The following TAB3 variants were observed in gnomAD, a reference collection of about 807,000 sequenced individuals.
The protein encoded by TAB3 is TGF-beta-activated kinase 1 and MAP3K7-binding protein 3.
Under a neutral mutation model 48.1 loss-of-function variants are expected in TAB3, and 18 were observed. The observed-to-expected ratio is 0.37, with a 90% CI of 0.26 to 0.55. TAB3 has a LOEUF of 0.55. Among genes scored for constraint, TAB3 ranks in the 20% least tolerant of loss-of-function variants. The pLI, the probability that TAB3 is intolerant of heterozygous loss-of-function variation, is 0.78. For synonymous variants in TAB3, 185 were observed against 190.2 expected, an observed-to-expected ratio of 0.97 and a Z score of 0.22; for missense variants, 414 against 549.8, an observed-to-expected ratio of 0.75 and a Z score of 2.47.
chrX:30,870,763 C>CCACTGA (rs919577439), intron 2 of TAB3, among the ~76,000 whole-genome samples: 1 of 112,034 alleles, frequency 8.9e-6, no homozygotes, highest in African/African-American at 3.3e-5. Flanking sequence ...AGGAAAGGTG[C>CCACTGA]CACTGACATC....
At position 30,852,803 on chromosome X, in the gene TAB3, ACT is replaced by A; in HGVS notation, c.1683_1684del (p.Arg561SerfsTer11). ...CGTAGGGATCGCAGTGGTGCAGCTGACTCTTCTGAGCCGTCTCTGCATCAGGT... is the reference window on the plus strand; with the variant it reads ...CGTAGGGATCGCAGTGGTGCAGCTGACTTCTGAGCCGTCTCTGCATCAGGT... On this transcript the variant is annotated frameshift_variant, in exon 7 of 11. Transcript: ENST00000288422. LOFTEE classifies it high-confidence loss of function. 1 of 1,210,100 alleles carries A rather than the reference ACT, an allele frequency of 8.3e-7. No individual in the cohort carries two copies. The highest frequency in any genetic ancestry group is 1.1e-6 in the Non-Finnish European group (1 of 894,951).
chrX:30,847,149 G>GAGAGGTTATATAA (rs1258528449), intron 7 of TAB3, among the ~76,000 whole-genome samples: 2 of 111,521 alleles, frequency 1.8e-5, no homozygotes, highest in Non-Finnish European at 3.8e-5. Context: ...CTGAGGCACA[G>GAGAGGTTATATAA]AGAGGTTATA....
In TAB3 at chrX:30,868,584, TATAGAGAGAGAGAGAGAG is replaced by T. The variant is rs1394081522; in HGVS notation, c.-279-1053_-279-1036del. Among the ~76,000 whole-genome samples, 8 of 10,691 alleles carry T rather than the reference TATAGAGAGAGAGAGAGAG, an allele frequency of 7.5e-4. 1 individual carries two copies. In the East Asian group the frequency reaches 0.022, roughly 29 times the overall value. 9.3% of individuals were successfully genotyped at this position (10,691 alleles called of 115,157 possible). ...TATATAGCTTATATATATATATATA[TATAGAGAGAGAGAGAGAG>T]AGAGAGAGAGAGAGAGCGCGTGGGG... On this transcript the variant is annotated intron_variant, in intron 2 of 10. Coordinates refer to ENST00000288422, the MANE Select transcript of TAB3 (RefSeq NM_152787.5).
intron 9 of TAB3, among the ~76,000 whole-genome samples, chrX:30,842,517 C>G (rs763036289): frequency 8.9e-6 from 1 of 112,100 alleles, no homozygotes; most frequent in East Asian, 2.8e-4. Context: ...TTACCTCTGA[C>G]AGTAATTCTA....
At chrX:30,868,517 T>TTATATATATATATATATAGCTTATATATA (rs1939540733) in intron 2 of TAB3, among the ~76,000 whole-genome samples, 1 of 2,804 alleles carries the variant, frequency 3.6e-4, no homozygotes. Flanking sequence ...TATATATAGC[T>TTATATATATATATATATAGCTTATATATA]TATATATATA....
intron 4 of TAB3, among the ~76,000 whole-genome samples, chrX:30,861,892 T>G (rs749542466): frequency 8.9e-6 from 1 of 112,694 alleles, no homozygotes; most frequent in Non-Finnish European, 1.9e-5. Flanking sequence ...TCAAATGATA[T>G]CTTTGAAATC....
chrX:30,853,123 G>A (rs750376302), intron 6 of TAB3, among the ~76,000 whole-genome samples, 185 bp from the exon 7 acceptor site: 1 of 112,093 alleles, frequency 8.9e-6, no homozygotes, highest in East Asian at 2.8e-4. Flanking sequence ...TGCAACCAAA[G>A]TGACATCACC....
At chrX:30,886,608 T>G (rs1461508126) in intron 1 of TAB3, among the ~76,000 whole-genome samples, 2 of 112,155 alleles carry the variant, frequency 1.8e-5, no homozygotes, top group Non-Finnish European at 3.8e-5. Context: ...CCCCAAACAA[T>G]GTACTTCTTA....
At chrX:30,839,263 C>G (rs186102422) in intron 9 of TAB3, among the ~76,000 whole-genome samples, 10 of 111,941 alleles carry the variant, frequency 8.9e-5, no homozygotes, top group Admixed American at 1.9e-4. Flanking sequence ...CGATCACATG[C>G]TTTTCCTCCC....
At chrX:30,846,393 CTGATCCA>C in intron 8 of TAB3, 151 bp downstream of exon 8, 1 of 402,297 alleles carries the variant, frequency 2.5e-6, no homozygotes, top group Non-Finnish European at 4.2e-6. Flanking sequence ...ATCCCCAAAT[CTGATCCA>C]TGACCATGGG....
Position 30,852,844 on chromosome X carries a change from A to G in TAB3, c.1644T>C (p.Asn548=). 8.3e-7 allele frequency: 1 copy of G among 1,211,360 alleles called. No homozygotes were observed. Among genetic ancestry groups the G allele is most frequent in the African/African-American group, 1.7e-5 (1 of 57,750 alleles). Residue 548 remains asparagine (N), a synonymous_variant, in exon 7 of 11, where the codon AAT becomes AAC. Transcript: ENST00000288422. ...TCTGCATCAGGTCATGCTCCATACC[A>G]TTAACTTCAGACTTCAACCGCTCTA... ...EELERLKSEV[N]GMEHDLMQRR...
intron 10 of TAB3, among the ~76,000 whole-genome samples, chrX:30,832,961 TTTTC>T (rs1174587735): frequency 1.0e-3 from 109 of 107,310 alleles, no homozygotes; most frequent in African/African-American, 3.0e-3. Flanking sequence ...TACTATGCCA[TTTTC>T]TTTCTTTCTT....
At chrX:30,837,129 A>AT (rs1330562276) in intron 9 of TAB3, among the ~76,000 whole-genome samples, 1 of 98,315 alleles carries the variant, frequency 1.0e-5, no homozygotes, top group Admixed American at 1.2e-4. Context: ...GCTCACTGCA[A>AT]CCTCCACCTC....
chrX:30,855,482 T>C lies in TAB3; in HGVS notation c.183A>G (p.Pro61=). The C allele has an allele frequency of 8.3e-7, 1 of 1,210,855 alleles. No individual in the cohort carries two copies. The highest frequency in any genetic ancestry group is 1.1e-6 in the Non-Finnish European group (1 of 894,661). The change falls in exon 6 of 11, where the codon CCA becomes CCG. Residue 61 remains proline, a synonymous_variant. Transcript: ENST00000288422. The stretch of plus-strand genomic sequence containing the variant: ...GATTTCTATTCATCCTATTGTCATC[T>C]GGACTATGGTATTCCATATATAAGT... ...SKYLYMEYHS[P]DDNRMNRNRL...
intron 1 of TAB3, among the ~76,000 whole-genome samples, chrX:30,884,509 C>T (rs1335836551): frequency 9.2e-6 from 1 of 109,237 alleles, no homozygotes. Context: ...TCTGCACTCG[C>T]TGTGTAATTA....
chrX:30,878,308 T>C (rs1447766330), intron 1 of TAB3, among the ~76,000 whole-genome samples: 2 of 110,325 alleles, frequency 1.8e-5, no homozygotes, highest in African/African-American at 6.6e-5. Flanking sequence ...CTGGTCAACA[T>C]GGTGAAACCC....
intron 9 of TAB3, among the ~76,000 whole-genome samples, chrX:30,839,942 AT>A (rs1382133511): frequency 2.1e-5 from 2 of 93,385 alleles, no homozygotes; most frequent in Non-Finnish European, 2.1e-5. Flanking sequence ...ATATATATAT[AT>A]AATATATATT....
intron 1 of TAB3, among the ~76,000 whole-genome samples, chrX:30,885,154 AC>A (rs1448715576): frequency 2.7e-5 from 3 of 112,317 alleles, no homozygotes; most frequent in Admixed American, 9.4e-5. Flanking sequence ...TACTATTAAT[AC>A]CTACCATTTC....
chrX:30,836,883 T>C (rs1192008846), intron 9 of TAB3: 1 of 110,146 alleles, frequency 9.1e-6, no homozygotes, highest in African/African-American at 3.3e-5. Flanking sequence ...AGTGTAAAGG[T>C]ACTTGTAGAG....
Sources: allele counts gnomAD v4.1 joint callset (sites outside exome capture counted in the v4.1 genomes callset), GRCh38; gene constraint gnomAD v4.1.1; transcripts MANE v1.5; gene names NCBI Gene and HGNC (gene_info 2026-07-23, HGNC 2026-07-21).